Variants in TMEM120B observed in about 807,000 individuals in gnomAD.
TMEM120B encodes transmembrane protein 120B.
A neutral mutation model predicts 55.5 loss-of-function variants in TMEM120B; 31 were observed. The observed-to-expected ratio is 0.56, with a 90% CI of 0.42 to 0.75. The LOEUF (loss-of-function observed/expected upper bound fraction) is 0.75, where lower values mean the gene tolerates loss of function less well. Among genes scored for constraint, TMEM120B ranks in the 30% least tolerant of loss-of-function variants. The pLI is 0.00. For missense variants in TMEM120B, 399 were observed against 425.5 expected, an observed-to-expected ratio of 0.94 and a Z score of 0.55; for synonymous variants, 203 against 176.3, an observed-to-expected ratio of 1.15 and a Z score of -1.20.
rs1018755502 is a variant in TMEM120B, at chr12:121,779,384, G to A, written c.*3662G>A. On this transcript the variant is annotated 3_prime_UTR_variant, in exon 12 of 12. Coordinates refer to ENST00000449592, the MANE Select transcript of TMEM120B (RefSeq NM_001080825.2). ...TCCAGAATGTTCCAAGAGTCTAGCC[G>A]CAGGCCCCAGACACCATGAGCTGGA... 64 of 1,138,202 alleles carry A rather than the reference G, an allele frequency of 5.6e-5. No individual in the cohort carries two copies. Among genetic ancestry groups the A allele is most frequent in the Middle Eastern group, 2.9e-4 (1 of 3,474 alleles). The allele number at this position is 1,138,202 out of a possible 1,614,324, so 70.5% of individuals were successfully genotyped here.
At chr12:121,750,912 A>C (rs1469585989) in intron 4 of TMEM120B, among the ~76,000 whole-genome samples, 2 of 45,316 alleles carry the variant, frequency 4.4e-5, no homozygotes, top group Non-Finnish European at 8.4e-5. Flanking sequence ...CACACCCCAC[A>C]CCCCACACCC....
At chr12:121,756,323 C>T (rs1212805459) in intron 5 of TMEM120B, among the ~76,000 whole-genome samples, 2 of 152,136 alleles carry the variant, frequency 1.3e-5, no homozygotes, top group Non-Finnish European at 2.9e-5. Context: ...CATGGCGAAA[C>T]CCCCTCTCTA....
intron 1 of TMEM120B, among the ~76,000 whole-genome samples, chr12:121,726,049 C>CA (rs774116237): frequency 0.076 from 6,228 of 81,982 alleles, 178 homozygotes; most frequent in Non-Finnish European, 0.12. Flanking sequence ...AAAAAAAAAA[C>CA]AAAAAAAAAA....
rs943774759 is a variant in TMEM120B at position 121,712,956 on chromosome 12, G to A, written c.61G>A (p.Glu21Lys). 1 of 1,543,166 alleles carries A rather than the reference G, an allele frequency of 6.5e-7. No individual in the cohort carries two copies. Among genetic ancestry groups the A allele is most frequent in the South Asian group, 1.2e-5 (1 of 81,894 alleles). ...GCACGAGCTGGAGGGAGAATTTCAA[G>A]AACTGCAGGTAGGGCCAGGCCACCT... Reference protein sequence around the residue: ...EWHELEGEFQELQETHRIYKQ... With the variant: ...EWHELEGEFQKLQETHRIYKQ... The change falls in exon 1 of 12, where the codon GAA (glutamate) becomes AAA (lysine). Residue 21 changes from glutamate to lysine, a missense_variant. Physicochemically the swap from Glu to Lys is moderately conservative, Grantham distance 56. Coordinates refer to ENST00000449592, the MANE Select transcript of TMEM120B (RefSeq NM_001080825.2).
At chr12:121,769,142 T>A (rs1264479453) in intron 6 of TMEM120B, among the ~76,000 whole-genome samples, 24 of 82,488 alleles carry the variant, frequency 2.9e-4, no homozygotes, top group South Asian at 5.0e-4. Context: ...CAAGACTGTC[T>A]CAAAAAAAAA....
In TMEM120B at chr12:121,775,804, G is replaced by A. The variant is rs201728719; in HGVS notation, c.*82G>A. ...CCTTCCCAGCAGCCCTCTCAGGCCCGTGGCATCGCTGGGAGAGGGCCCAGG... is the reference window on the plus strand; with the variant it reads ...CCTTCCCAGCAGCCCTCTCAGGCCCATGGCATCGCTGGGAGAGGGCCCAGG... On this transcript the variant is annotated 3_prime_UTR_variant, in exon 12 of 12. Transcript: ENST00000449592. This position sits in a 1 kb window ranked among gnomAD's most constrained non-coding sequence, Gnocchi z 4.3. The A allele has an allele frequency of 8.1e-6, 12 of 1,473,010 alleles. 1 individual carries two copies. Among genetic ancestry groups the A allele is most frequent in the South Asian group, 5.8e-5 (5 of 86,930 alleles). The allele number at this position is 1,473,010 out of a possible 1,614,324, so 91.2% of individuals were successfully genotyped here.
chr12:121,762,857 G>T (rs1487195723), intron 6 of TMEM120B, among the ~76,000 whole-genome samples: 1 of 152,180 alleles, frequency 6.6e-6, no homozygotes, highest in Non-Finnish European at 1.5e-5. Flanking sequence ...TCACTGAGCA[G>T]CCCTGTGACC....
intron 5 of TMEM120B, among the ~76,000 whole-genome samples, chr12:121,756,369 G>A (rs1256482198): frequency 2.0e-5 from 3 of 152,196 alleles, no homozygotes; most frequent in Non-Finnish European, 4.4e-5. Flanking sequence ...CTGATGGCAT[G>A]CATCTGTAAT....
At chr12:121,720,087 G>A (rs1029235630) in intron 1 of TMEM120B, among the ~76,000 whole-genome samples, 12 of 152,136 alleles carry the variant, frequency 7.9e-5, no homozygotes, top group African/African-American at 2.7e-4. Context: ...CACAGCTGAT[G>A]ACACCGAGGC....
chr12:121,773,377 G>A (rs531484399), intron 8 of TMEM120B, 44 bp from the exon 9 acceptor site: 11 of 1,553,248 alleles, frequency 7.1e-6, no homozygotes, highest in East Asian at 2.3e-5. Flanking sequence ...CCTGTCTTCC[G>A]GGGACACCAG....
At chr12:121,764,757 T>TG (rs1281591154) in intron 6 of TMEM120B, among the ~76,000 whole-genome samples, 1 of 152,004 alleles carries the variant, frequency 6.6e-6, no homozygotes, top group East Asian at 1.9e-4. Flanking sequence ...ACGCTGTGGA[T>TG]GGGGGGCGAC....
intron 5 of TMEM120B, among the ~76,000 whole-genome samples, chr12:121,755,898 C>T (rs1873462554): frequency 6.6e-6 from 1 of 152,116 alleles, no homozygotes; most frequent in South Asian, 2.1e-4. Context: ...CTGATCTGCA[C>T]CTTGCACCAG....
At chr12:121,746,188 C>A (rs552953468) in intron 2 of TMEM120B, among the ~76,000 whole-genome samples, 7 of 148,376 alleles carry the variant, frequency 4.7e-5, no homozygotes, top group Non-Finnish European at 7.4e-5. Context: ...ACCGCCCCCC[C>A]ACTTTTTTTT....
Position 121,771,511 on chromosome 12 carries a change from A to C in TMEM120B, c.641A>C (p.Lys214Thr), listed in dbSNP as rs1317240036. 66 of 1,613,974 alleles carry C rather than the reference A, an allele frequency of 4.1e-5. No homozygotes were observed. The highest frequency in any genetic ancestry group is 5.6e-5 in the Non-Finnish European group (66 of 1,180,020). Reference protein sequence around the residue: ...LTWPNGPIYQKFRNQFLAFSI... With the variant: ...LTWPNGPIYQTFRNQFLAFSI... ...AGGCCTAATGGACCCATTTATCAGA[A>C]GTTTCGCAACCAGTTCTTAGCATTT... is the stretch of plus-strand genomic sequence containing the variant. Residue 214 changes from lysine (K) to threonine (T), a missense_variant, in exon 8 of 12, where the codon AAG (lysine) becomes ACG (threonine). Physicochemically the swap from Lys to Thr is moderately conservative, Grantham distance 78 (BLOSUM62 -1). Coordinates refer to ENST00000449592, the MANE Select transcript of TMEM120B (RefSeq NM_001080825.2).
At position 121,773,767 on chromosome 12, in the gene TMEM120B, T is replaced by TACACACACACAC. The variant is rs139459284; in HGVS notation, c.772+265_772+266insCACACACACACA. Among the ~76,000 whole-genome samples the TACACACACACAC allele has an allele frequency of 6.3e-3, 951 of 151,374 alleles. 2 individuals are homozygous for TACACACACACAC. The highest frequency in any genetic ancestry group is 8.8e-3 in the Non-Finnish European group (597 of 67,888). On this transcript the variant is annotated intron_variant, in intron 9 of 11. Transcript: ENST00000449592. ...CTATTTTTTTGTGTGTGTTCTAGAA[T>TACACACACACAC]ACACACACACAAATTAGCCATTTGT...
At chr12:121,773,377 G>C (rs531484399) in intron 8 of TMEM120B, 44 bp from the exon 9 acceptor site, 52 of 1,553,248 alleles carry the variant, frequency 3.3e-5, no homozygotes, top group Non-Finnish European at 4.2e-5. Context: ...CCTGTCTTCC[G>C]GGGACACCAG....
intron 5 of TMEM120B, among the ~76,000 whole-genome samples, chr12:121,753,337 T>A (rs1592939818): frequency 6.6e-6 from 1 of 152,184 alleles, no homozygotes; most frequent in East Asian, 1.9e-4. Flanking sequence ...TGCTACTGGG[T>A]ACAAGGTTTT....
intron 1 of TMEM120B, among the ~76,000 whole-genome samples, chr12:121,714,418 G>T (rs1247266181): frequency 6.6e-6 from 1 of 151,852 alleles, no homozygotes; most frequent in Non-Finnish European, 1.5e-5. Flanking sequence ...ACCGTGCCCG[G>T]CTAATTTTTT....
At position 121,763,641 on chromosome 12, in the gene TMEM120B, T is replaced by C. The variant is rs1413574492; in HGVS notation, c.551+1903T>C. 2.0e-5 allele frequency among the ~76,000 whole-genome samples: 3 copies of C among 152,068 alleles called. No individual in the cohort carries two copies. The East Asian group carries it at 5.8e-4, about 29-fold the overall frequency. On this transcript the variant is annotated intron_variant, in intron 6 of 11. Transcript: ENST00000449592. Reference sequence around the variant, plus strand: ...TATTTTTAGTAGAGACTGGGTTTCATCATGTTGGCCAGGCTGGTCTCAAAC... The same window carrying C: ...TATTTTTAGTAGAGACTGGGTTTCACCATGTTGGCCAGGCTGGTCTCAAAC...
Sources: allele counts gnomAD v4.1 joint callset (sites outside exome capture counted in the v4.1 genomes callset), GRCh38; gene constraint gnomAD v4.1.1; non-coding constraint Gnocchi (gnomAD v3.1); transcripts MANE v1.5; gene names NCBI Gene and HGNC (gene_info 2026-07-23, HGNC 2026-07-21).